FKBP14: variants seen among roughly 807,000 people sequenced by gnomAD.
FKBP14 encodes the protein peptidyl-prolyl cis-trans isomerase FKBP14.
In FKBP14, 20 loss-of-function variants were observed where a neutral mutation model predicts 21.6. That is an observed-to-expected ratio of 0.92 (90% CI 0.65 to 1.34). The LOEUF is 1.34. Ranked by LOEUF, FKBP14 falls within the 40% of genes most tolerant of loss-of-function variation. FKBP14 has a pLI of 0.00. For synonymous variants in FKBP14, 79 were observed against 86.7 expected (o/e 0.91, Z 0.49); for missense variants, 253 against 249.0 (o/e 1.02, Z -0.11).
At chr7:30,007,242 G>A (rs1446415845), downstream of FKBP14, among the ~76,000 whole-genome samples, 16 of 138,054 alleles carry the variant, frequency 1.2e-4, no homozygotes, top group Middle Eastern at 3.7e-3. Context: ...ACAGAGTCTC[G>A]CTCTGTCACC....
intron 1 of FKBP14, chr7:30,025,593 G>A (rs2127950542): frequency 6.6e-6 from 1 of 152,298 alleles, no homozygotes; most frequent in South Asian, 2.1e-4. Context: ...TGTCATAATG[G>A]AATGAATGGA....
At chr7:30,007,399 C>T (rs186663995), downstream of FKBP14, among the ~76,000 whole-genome samples, 8 of 151,820 alleles carry the variant, frequency 5.3e-5, no homozygotes, top group East Asian at 3.9e-4. Flanking sequence ...TAGTAGAGAC[C>T]GGGTTTCACC....
intron 1 of FKBP14, among the ~76,000 whole-genome samples, chr7:30,025,189 A>G (rs1368159881): frequency 6.6e-6 from 1 of 152,274 alleles, no homozygotes; most frequent in Non-Finnish European, 1.5e-5. Flanking sequence ...CTCTACCTAC[A>G]ACATCCTTCC....
Position 30,026,382 on chromosome 7 carries a change from T to C in FKBP14, c.127A>G (p.Lys43Glu). The change falls in exon 1 of 4, where the codon AAA (lysine) becomes GAA (glutamate). Residue 43 changes from lysine (K) to glutamate (E), a missense_variant. Physicochemically the swap from Lys to Glu is moderately conservative, Grantham distance 56 (BLOSUM62 1). Coordinates refer to ENST00000222803, the MANE Select transcript of FKBP14 (RefSeq NM_017946.4). ...TGGACCAACATCAAATCCCCTCCTT[T>C]GGTCTTGCGATGGCAGATGAATGGC... ...QKPFICHRKT[K>E]GGDLMLVHYE... 6.2e-7 allele frequency: 1 copy of C among 1,614,204 alleles called. No homozygotes were observed.
Position 30,026,376 on chromosome 7 carries a change from C to T in FKBP14, c.133G>A (p.Gly45Arg). The T allele has an allele frequency of 1.2e-6, 2 of 1,614,178 alleles. No individual in the cohort carries two copies. The highest frequency in any genetic ancestry group is 1.7e-6 in the Non-Finnish European group (2 of 1,180,006). Reference protein sequence around the residue: ...PFICHRKTKGGDLMLVHYEGY... With the variant: ...PFICHRKTKGRDLMLVHYEGY... Reference sequence around the variant, plus strand: ...TCATAGTGGACCAACATCAAATCCCCTCCTTTGGTCTTGCGATGGCAGATG... The same window carrying T: ...TCATAGTGGACCAACATCAAATCCCTTCCTTTGGTCTTGCGATGGCAGATG... Residue 45 changes from glycine to arginine, a missense_variant, in exon 1 of 4, where the codon GGG becomes AGG. Physicochemically the swap from Gly to Arg is moderately radical, Grantham distance 125 (BLOSUM62 -2). Coordinates refer to ENST00000222803, the MANE Select transcript of FKBP14 (RefSeq NM_017946.4).
intron 1 of FKBP14, among the ~76,000 whole-genome samples, chr7:30,023,725 G>T (rs187587167): frequency 1.3e-5 from 2 of 152,322 alleles, no homozygotes; most frequent in East Asian, 1.9e-4. Context: ...AGGAGCAAAG[G>T]CACGTCTTAC....
rs1789773113 is a variant in FKBP14 at position 30,012,747 on chromosome 7, G to T, written c.*1988C>A. 1 of 152,226 alleles carries T rather than the reference G, an allele frequency of 6.6e-6. No homozygotes were observed. The highest frequency in any genetic ancestry group is 6.5e-5 in the Admixed American group (1 of 15,278). The allele number at this position is 152,226 out of a possible 1,614,324, so 9.4% of individuals were successfully genotyped here. A position where few individuals can be genotyped will look rare whatever the true frequency, so the allele number is the denominator to read the frequency against. ...AGAGCTAACTGCAAGATTATGCTATGAAACTGAAGCCATTTCTATATCATA... is the reference window on the plus strand; with the variant it reads ...AGAGCTAACTGCAAGATTATGCTATTAAACTGAAGCCATTTCTATATCATA... On this transcript the variant is annotated 3_prime_UTR_variant, in exon 4 of 4. Coordinates refer to ENST00000222803, the MANE Select transcript of FKBP14 (RefSeq NM_017946.4).
In FKBP14 at chr7:30,022,747, G is replaced by A. The variant is rs1298020751; in HGVS notation, c.267C>T (p.Asp89=). 7 of 1,613,944 alleles carry A rather than the reference G, an allele frequency of 4.3e-6. No individual in the cohort carries two copies. The African/African-American group carries it at 5.3e-5, about 12-fold the overall frequency. ...CTACACACATTCCTTTCAAGCCCTG[G>A]TCCCAACCTTTGAGAGCCTCCAGGA... The part of the protein sequence containing the change: ...LGILEALKGW[D]QGLKGMCVGE... Residue 89 remains aspartate (D), a synonymous_variant, in exon 2 of 4, where the codon GAC becomes GAT. Transcript: ENST00000222803.
downstream of FKBP14, among the ~76,000 whole-genome samples, chr7:30,006,873 T>A (rs906272741): frequency 6.6e-6 from 1 of 152,210 alleles, no homozygotes; most frequent in Non-Finnish European, 1.5e-5. Context: ...GTAGGTCAGA[T>A]CCTTGCCTCC....
chr7:30,018,950 C>A, intron 3 of FKBP14, 46 bp downstream of exon 3: 1 of 1,587,920 alleles, frequency 6.3e-7, no homozygotes, highest in Non-Finnish European at 8.5e-7. Context: ...AAACCCCAAA[C>A]AACCAAAGAA....
chr7:30,015,544 G>T (rs970678650), intron 3 of FKBP14, among the ~76,000 whole-genome samples: 1 of 151,236 alleles, frequency 6.6e-6, no homozygotes, highest in Non-Finnish European at 1.5e-5. Context: ...TATATTATTG[G>T]AGAATACCCA....
At chr7:30,005,977 C>T (rs1289825362), downstream of FKBP14, among the ~76,000 whole-genome samples, 3 of 152,032 alleles carry the variant, frequency 2.0e-5, no homozygotes, top group Non-Finnish European at 4.4e-5. Flanking sequence ...AGAGGGGTAC[C>T]ATGTACTACA....
downstream of FKBP14, among the ~76,000 whole-genome samples, chr7:30,010,375 CAT>C (rs1789693037): frequency 6.6e-6 from 1 of 152,146 alleles, no homozygotes; most frequent in African/African-American, 2.4e-5. Context: ...AGACTTAATG[CAT>C]ATTTCAAAAG....
At position 30,013,743 on chromosome 7, in the gene FKBP14, A is replaced by C. The variant is rs577294617; in HGVS notation, c.*992T>G. On this transcript the variant is annotated 3_prime_UTR_variant, in exon 4 of 4. Transcript: ENST00000222803. ...TACCTCATCTATAACATATTGATAC[A>C]TTTTATTACAAAGAAACTCACACAT... 2 of 152,310 alleles carry C rather than the reference A, an allele frequency of 1.3e-5. No individual in the cohort carries two copies. Among genetic ancestry groups the C allele is most frequent in the South Asian group, 4.1e-4 (2 of 4,828 alleles). 9.4% of individuals were successfully genotyped at this position (152,310 alleles called of 1,614,324 possible).
In FKBP14 at chr7:30,012,644, A is replaced by G. The variant is rs1789770362; in HGVS notation, c.*2091T>C. On this transcript the variant is annotated 3_prime_UTR_variant, in exon 4 of 4. Transcript: ENST00000222803. ...AATTGTTCATAATTCTTTTTAAACA[A>G]CAAATGGGGGTAAATATGAATGAAA... 6.6e-6 allele frequency: 1 copy of G among 152,258 alleles called. No individual in the cohort carries two copies. Among genetic ancestry groups the G allele is most frequent in the Non-Finnish European group, 1.5e-5 (1 of 68,050 alleles). The allele number at this position is 152,258 out of a possible 1,614,324, so 9.4% of individuals were successfully genotyped here. A position where few individuals can be genotyped will look rare whatever the true frequency, so the allele number is the denominator to read the frequency against.
At chr7:30,025,556 A>G (rs1790151834) in intron 1 of FKBP14, 1 of 152,254 alleles carries the variant, frequency 6.6e-6, no homozygotes, top group Non-Finnish European at 1.5e-5. Flanking sequence ...AACATGGCTT[A>G]ACATCAAGGA....
chr7:30,017,781 G>A (rs1214559038), intron 3 of FKBP14, among the ~76,000 whole-genome samples: 1 of 152,046 alleles, frequency 6.6e-6, no homozygotes, highest in African/African-American at 2.4e-5. Flanking sequence ...TTGGAAGGCC[G>A]AGGTGGGCAG....
chr7:30,026,026 A>G (rs966111703), intron 1 of FKBP14, among the ~76,000 whole-genome samples: 3 of 152,234 alleles, frequency 2.0e-5, no homozygotes, highest in African/African-American at 7.2e-5. Context: ...GGCCAATTAT[A>G]CACCCAGATA....
intron 2 of FKBP14, chr7:30,020,282 G>A: frequency 1.6e-6 from 2 of 1,279,964 alleles, no homozygotes; most frequent in Non-Finnish European, 2.0e-6. Context: ...TCCAAAAGAG[G>A]CATGCAAGCA....
Sources: allele counts gnomAD v4.1 joint callset (sites outside exome capture counted in the v4.1 genomes callset), GRCh38; gene constraint gnomAD v4.1.1; transcripts MANE v1.5; gene names NCBI Gene and HGNC (gene_info 2026-07-23, HGNC 2026-07-21).